The following KCTD8 variants were observed in gnomAD, a reference collection of about 807,000 sequenced individuals.
The protein encoded by KCTD8 is potassium channel tetramerization domain containing 8, also known as BTB/POZ domain-containing protein KCTD8.
Under a neutral mutation model 31.5 loss-of-function variants are expected in KCTD8, and 27 were observed. That is an observed-to-expected ratio of 0.86 (90% CI 0.63 to 1.18). The LOEUF (loss-of-function observed/expected upper bound fraction) is 1.18. Among genes scored for constraint, KCTD8 ranks in the 50% most tolerant of loss-of-function variants. The pLI is 0.00. For missense variants in KCTD8, 658 were observed against 647.7 expected, an observed-to-expected ratio of 1.02 and a Z score of -0.17; for synonymous variants, 290 against 280.0, an observed-to-expected ratio of 1.04 and a Z score of -0.36.
At chr4:44,183,625 CT>C (rs1482211036) in intron 1 of KCTD8, among the ~76,000 whole-genome samples, 1 of 151,944 alleles carries the variant, frequency 6.6e-6, no homozygotes, top group African/African-American at 2.4e-5. Context: ...ATATTTTTGT[CT>C]TTAAAAAGGC....
At chr4:44,309,973 C>T (rs1180066848) in intron 1 of KCTD8, among the ~76,000 whole-genome samples, 2 of 151,992 alleles carry the variant, frequency 1.3e-5, no homozygotes, top group Non-Finnish European at 2.9e-5. Context: ...GGATCTATAT[C>T]ATTTTCAAAT....
intron 1 of KCTD8, among the ~76,000 whole-genome samples, chr4:44,205,733 T>C (rs1040285542): frequency 6.6e-6 from 1 of 152,094 alleles, no homozygotes. Flanking sequence ...AACAAAGCAG[T>C]CAGGCTGATG....
chr4:44,182,689 C>A (rs1170171099), intron 1 of KCTD8, among the ~76,000 whole-genome samples: 1 of 152,160 alleles, frequency 6.6e-6, no homozygotes, highest in Non-Finnish European at 1.5e-5. Context: ...AAACCAGAGA[C>A]CTTTGTTCAC....
chr4:44,315,541 A>G (rs963035969), intron 1 of KCTD8, among the ~76,000 whole-genome samples: 1 of 152,086 alleles, frequency 6.6e-6, no homozygotes, highest in Non-Finnish European at 1.5e-5. Context: ...AAGATTCACT[A>G]GTTACTCTAT....
At chr4:44,286,068 T>C (rs1267326258) in intron 1 of KCTD8, among the ~76,000 whole-genome samples, 1 of 152,162 alleles carries the variant, frequency 6.6e-6, no homozygotes, top group African/African-American at 2.4e-5. Flanking sequence ...CAGTCTCCTT[T>C]GCAGATTCTT....
chr4:44,380,091 CACA>C (rs1720020990), intron 1 of KCTD8, among the ~76,000 whole-genome samples: 1 of 151,910 alleles, frequency 6.6e-6, no homozygotes, highest in African/African-American at 2.4e-5. Flanking sequence ...CCTAAAGAGT[CACA>C]CTTAATTATA....
intron 1 of KCTD8, among the ~76,000 whole-genome samples, chr4:44,444,628 T>C (rs1193059892): frequency 1.3e-5 from 2 of 152,150 alleles, no homozygotes; most frequent in African/African-American, 4.8e-5. Flanking sequence ...CCTATAAAAC[T>C]GATACTGTGA....
intron 1 of KCTD8, among the ~76,000 whole-genome samples, chr4:44,307,001 G>A (rs1159628840): frequency 6.6e-6 from 1 of 151,940 alleles, no homozygotes; most frequent in African/African-American, 2.4e-5. Flanking sequence ...CTGAGAAAGT[G>A]ACCTGACACT....
chr4:44,364,858 T>C (rs970361553), intron 1 of KCTD8, among the ~76,000 whole-genome samples: 25 of 149,522 alleles, frequency 1.7e-4, no homozygotes, highest in Admixed American at 1.5e-3. Flanking sequence ...GGGAAAACTA[T>C]AAAGCCAGTA....
intron 1 of KCTD8, among the ~76,000 whole-genome samples, chr4:44,207,542 A>T (rs756200382): frequency 7.9e-5 from 12 of 152,334 alleles, no homozygotes; most frequent in Non-Finnish European, 1.8e-4. Flanking sequence ...TAAATAAACC[A>T]ATGAATGAAT....
intron 1 of KCTD8, among the ~76,000 whole-genome samples, chr4:44,181,200 ACGGTCTCCCTCTCCCTCTCTTTC>A (rs1713375031): frequency 1.1e-5 from 1 of 88,602 alleles, no homozygotes; most frequent in African/African-American, 4.6e-5. Flanking sequence ...CTCTCTTTCC[ACGGTCTCCCTCTCCCTCTCTTTC>A]CACGGTCTCC....
At chr4:44,281,941 G>T (rs930208488) in intron 1 of KCTD8, among the ~76,000 whole-genome samples, 6 of 151,948 alleles carry the variant, frequency 3.9e-5, no homozygotes, top group African/African-American at 1.5e-4. Flanking sequence ...CCAAAATGAT[G>T]ACCTAAATGA....
rs749239701 is a variant in KCTD8, at chr4:44,448,574, C to G, written c.-51G>C. On this transcript the variant is annotated 5_prime_UTR_variant, in exon 1 of 2. Transcript: ENST00000360029. The surrounding 1 kb of genome is among the most constrained non-coding windows in gnomAD (Gnocchi z 4.1). Reference sequence around the variant, plus strand: ...CCCGAGAGAGCTGCACTTTCTCGTTCCCGGAGCCCGCGCCCCAGCCCTCCG... The same window carrying G: ...CCCGAGAGAGCTGCACTTTCTCGTTGCCGGAGCCCGCGCCCCAGCCCTCCG... The G allele has an allele frequency of 2.2e-5, 30 of 1,388,420 alleles. No homozygotes were observed. The highest frequency in any genetic ancestry group is 2.7e-5 in the Non-Finnish European group (29 of 1,075,582). 86.0% of individuals were successfully genotyped at this position (1,388,420 alleles called of 1,614,324 possible). A position where few individuals can be genotyped will look rare whatever the true frequency, so the allele number is the denominator to read the frequency against.
intron 1 of KCTD8, among the ~76,000 whole-genome samples, chr4:44,202,032 GAAAAAA>G (rs2109339589): frequency 1.3e-5 from 2 of 152,102 alleles, no homozygotes; most frequent in South Asian, 4.1e-4. Context: ...GCCAGCATAT[GAAAAAA>G]TACCCAACAT....
At chr4:44,205,539 CT>C (rs1488080748) in intron 1 of KCTD8, among the ~76,000 whole-genome samples, 3 of 152,034 alleles carry the variant, frequency 2.0e-5, no homozygotes, top group Non-Finnish European at 4.4e-5. Context: ...GTAAAGTTCT[CT>C]AAAATAATTT....
chr4:44,447,923 C>A lies in KCTD8; in HGVS notation c.601G>T (p.Ala201Ser). 7.1e-7 allele frequency: 1 copy of A among 1,412,154 alleles called. No homozygotes were observed. Among genetic ancestry groups the A allele is most frequent in the South Asian group, 1.7e-5 (1 of 59,924 alleles). The allele number at this position is 1,412,154 out of a possible 1,614,324, so 87.5% of individuals were successfully genotyped here. The stretch of plus-strand genomic sequence containing the variant: ...AGGAAGCCCGAGCGCTTGTCCTGCG[C>A]GCCGCCGCCGCCGCCACCACCGTGC... ...GAHGGGGGGG[A>S]QDKRSGFLTL... The change falls in exon 1 of 2, where the codon GCG becomes TCG. Residue 201 changes from alanine to serine, a missense_variant. Physicochemically the swap from Ala to Ser is moderately conservative, Grantham distance 99. Coordinates refer to ENST00000360029, the MANE Select transcript of KCTD8 (RefSeq NM_198353.3).
chr4:44,273,108 A>G (rs1716658745), intron 1 of KCTD8, among the ~76,000 whole-genome samples: 1 of 152,080 alleles, frequency 6.6e-6, no homozygotes, highest in Admixed American at 6.6e-5. Context: ...ATTCTATTAT[A>G]TAACAGCTAA....
intron 1 of KCTD8, among the ~76,000 whole-genome samples, chr4:44,254,852 G>A (rs1034489428): frequency 5.3e-5 from 8 of 151,812 alleles, no homozygotes; most frequent in African/African-American, 1.9e-4. Context: ...ATTTAGTCAT[G>A]ATTGGAGGCA....
intron 1 of KCTD8, among the ~76,000 whole-genome samples, chr4:44,247,022 A>G (rs1715687223): frequency 6.6e-6 from 1 of 152,030 alleles, no homozygotes; most frequent in African/African-American, 2.4e-5. Context: ...TATTATTTGT[A>G]GAGTTATCAT....
Sources: allele counts gnomAD v4.1 joint callset (sites outside exome capture counted in the v4.1 genomes callset), GRCh38; gene constraint gnomAD v4.1.1; non-coding constraint Gnocchi (gnomAD v3.1); transcripts MANE v1.5; gene names NCBI Gene and HGNC (gene_info 2026-07-23, HGNC 2026-07-21).